The following ADAM21 variants were observed in gnomAD, a reference collection of about 807,000 sequenced individuals.
ADAM21 encodes the protein disintegrin and metalloproteinase domain-containing protein 21.
For synonymous variants in ADAM21, 262 were observed against 306.0 expected, an observed-to-expected ratio of 0.86 and a Z score of 1.50; for missense variants, 678 against 874.4, an observed-to-expected ratio of 0.78 and a Z score of 2.83.
At chr14:70,456,150 A>C (rs1231385751) in intron 1 of ADAM21, among the ~76,000 whole-genome samples, 1 of 152,202 alleles carries the variant, frequency 6.6e-6, no homozygotes, top group Non-Finnish European at 1.5e-5. Flanking sequence ...CAGCAAAAAA[A>C]GTCATGAAAT....
In ADAM21 at chr14:70,458,792, C is replaced by T. The variant is rs143297105; in HGVS notation, c.1293C>T (p.Asp431=). 1,684 of 1,613,966 alleles carry T rather than the reference C, an allele frequency of 1.0e-3. 12 individuals carry two copies. The African/African-American group carries it at 0.015, about 15-fold the overall frequency. ...GATCCGTACAGCAGTGTGAACAAGA[C>T]GCCTGTTGTCTGTTGAACTGCACTC... ...DCGSVQQCEQ[D]ACCLLNCTLR... Residue 431 remains aspartate, a synonymous_variant, in exon 2 of 2, where the codon GAC becomes GAT. Coordinates refer to ENST00000603540, the MANE Select transcript of ADAM21 (RefSeq NM_003813.4).
intron 1 of ADAM21, among the ~76,000 whole-genome samples, chr14:70,452,664 C>T (rs1294001000): frequency 3.3e-5 from 5 of 152,198 alleles, no homozygotes; most frequent in African/African-American, 1.2e-4. Flanking sequence ...CCGCGCCCGG[C>T]GTGTTTTCAT....
chr14:70,458,778 C>G lies in ADAM21; in HGVS notation c.1279C>G (p.Gln427Glu), dbSNP rs766694049. The G allele has an allele frequency of 4.3e-6, 7 of 1,614,170 alleles. No individual in the cohort carries two copies. Among genetic ancestry groups the G allele is most frequent in the Non-Finnish European group, 5.9e-6 (7 of 1,180,028 alleles). ...GCAGTGTGACTGTGGATCCGTACAG[C>G]AGTGTGAACAAGACGCCTGTTGTCT... ...EEQCDCGSVQ[Q>E]CEQDACCLLN... The change falls in exon 2 of 2, where the codon CAG (glutamine) becomes GAG (glutamate). Residue 427 changes from glutamine to glutamate, a missense_variant. Physicochemically the swap from Gln to Glu is conservative, Grantham distance 29. Transcript: ENST00000603540.
In ADAM21 at chr14:70,458,241, C is replaced by A. The variant is rs778991918; in HGVS notation, c.742C>A (p.Gln248Lys). 3.1e-6 allele frequency: 5 copies of A among 1,613,584 alleles called. No homozygotes were observed. In the South Asian group the frequency reaches 5.5e-5, roughly 18 times the overall value. The change falls in exon 2 of 2, where the codon CAG becomes AAG. Residue 248 changes from glutamine to lysine, a missense_variant. By Grantham distance (53) the Gln-to-Lys change is moderately conservative. Coordinates refer to ENST00000603540, the MANE Select transcript of ADAM21 (RefSeq NM_003813.4). ...CAACATAGTGGATTCCATGTATAAG[C>A]AGTTAGGTACTTACATAATTTTGAT... ...VVNIVDSMYK[Q>K]LGTYIILIGI...
intron 1 of ADAM21, among the ~76,000 whole-genome samples, chr14:70,456,731 C>A (rs1424741313): frequency 6.6e-6 from 1 of 152,164 alleles, no homozygotes; most frequent in African/African-American, 2.4e-5. Flanking sequence ...ATTTTGCAAT[C>A]CCTCCTCCGT....
intron 1 of ADAM21, among the ~76,000 whole-genome samples, chr14:70,454,639 A>T (rs1372997091): frequency 6.6e-6 from 1 of 152,090 alleles, no homozygotes; most frequent in Non-Finnish European, 1.5e-5. Flanking sequence ...GATATATGAA[A>T]TTTTTTGTGT....
chr14:70,454,349 G>A (rs965649998), intron 1 of ADAM21, among the ~76,000 whole-genome samples: 1 of 151,830 alleles, frequency 6.6e-6, no homozygotes, highest in African/African-American at 2.4e-5. Flanking sequence ...TGATGTAGGA[G>A]TGGAGGAAGT....
chr14:70,458,404 C>A lies in ADAM21; in HGVS notation c.905C>A (p.Ser302Ter). 1 of 1,614,178 alleles carries A rather than the reference C, an allele frequency of 6.2e-7. No individual in the cohort carries two copies. The highest frequency in any genetic ancestry group is 8.5e-7 in the Non-Finnish European group (1 of 1,180,036). The change falls in exon 2 of 2, where the codon TCA (serine) becomes TAA (stop). Residue 302 changes from serine (S) to a stop codon, truncating the protein, a stop_gained. Transcript: ENST00000603540. LOFTEE classifies it low-confidence loss of function (END_TRUNC). ...GCTGCACATATGTTCATAAAAAATTCACTTATAAGTATACTTGGCCTAGCC... is the reference window on the plus strand; with the variant it reads ...GCTGCACATATGTTCATAAAAAATTAACTTATAAGTATACTTGGCCTAGCC... ...HDAAHMFIKN[S>*]LISILGLAYV...
Position 70,458,921 on chromosome 14 carries a change from A to G in ADAM21, c.1422A>G (p.Pro474=). 2 of 1,614,206 alleles carry G rather than the reference A, an allele frequency of 1.2e-6. No homozygotes were observed. Among genetic ancestry groups the G allele is most frequent in the Non-Finnish European group, 1.7e-6 (2 of 1,180,044 alleles). The change falls in exon 2 of 2, where the codon CCA becomes CCG. Residue 474 remains proline, a synonymous_variant. Transcript: ENST00000603540. ...CRQEVNECDL[P]EWCNGTSHQC... ...AAGAGGTCAATGAATGTGACCTTCC[A>G]GAATGGTGCAATGGAACATCTCATC...
intron 1 of ADAM21, among the ~76,000 whole-genome samples, chr14:70,454,224 G>A (rs1041601794): frequency 2.6e-5 from 4 of 152,162 alleles, no homozygotes; most frequent in African/African-American, 9.7e-5. Context: ...CTATTCCTTA[G>A]GCTGGGGATC....
rs1485064087 is a variant in ADAM21, at chr14:70,459,252, A to G, written c.1753A>G (p.Ile585Val). ...QDHFTLQHTH[I>V]NGVTCWGIDY... ...TCATTTTACTTTGCAGCACACTCAT[A>G]TCAATGGTGTCACCTGCTGGGGTAT... Residue 585 changes from isoleucine (I) to valine (V), a missense_variant, in exon 2 of 2, where the codon ATC (isoleucine) becomes GTC (valine). Coordinates refer to ENST00000603540, the MANE Select transcript of ADAM21 (RefSeq NM_003813.4). The G allele has an allele frequency of 8.7e-6, 14 of 1,614,170 alleles. No individual in the cohort carries two copies. The highest frequency in any genetic ancestry group is 1.2e-5 in the Non-Finnish European group (14 of 1,180,032).
intron 1 of ADAM21, among the ~76,000 whole-genome samples, chr14:70,457,145 G>C (rs1882424697): frequency 6.6e-6 from 1 of 152,064 alleles, no homozygotes; most frequent in South Asian, 2.1e-4. Context: ...AACTATTTAA[G>C]TACCCATCTT....
rs1882461398 is a variant in ADAM21 at position 70,458,447 on chromosome 14, T to C, written c.948T>C (p.Cys316=). ...GCCTAGCCTATGTTGCAGGAATATG[T>C]CGTCCACCTATTGATTGTGGAGTTG... ...ILGLAYVAGI[C]RPPIDCGVDN... The change falls in exon 2 of 2, where the codon TGT becomes TGC. Residue 316 remains cysteine (C), a synonymous_variant. Coordinates refer to ENST00000603540, the MANE Select transcript of ADAM21 (RefSeq NM_003813.4). The C allele has an allele frequency of 6.2e-7, 1 of 1,614,150 alleles. No individual in the cohort carries two copies. The highest frequency in any genetic ancestry group is 1.3e-5 in the African/African-American group (1 of 75,030).
chr14:70,457,651 G>A lies in ADAM21; in HGVS notation c.152G>A (p.Arg51Lys). The A allele has an allele frequency of 1.2e-6, 2 of 1,613,818 alleles. No individual in the cohort carries two copies. The highest frequency in any genetic ancestry group is 1.7e-6 in the Non-Finnish European group (2 of 1,179,872). Reference protein sequence around the residue: ...EVVIPLKVISRGRSAKAPGWL... With the variant: ...EVVIPLKVISKGRSAKAPGWL... ...GTGATCCCCTTGAAGGTGATCAGCA[G>A]GGGCAGAAGTGCAAAGGCTCCTGGA... Residue 51 changes from arginine (R) to lysine (K), a missense_variant, in exon 2 of 2, where the codon AGG (arginine) becomes AAG (lysine). Arg to Lys is a conservative substitution (Grantham distance 26). Transcript: ENST00000603540.
At chr14:70,455,137 G>A (rs1889087528) in intron 1 of ADAM21, among the ~76,000 whole-genome samples, 1 of 152,158 alleles carries the variant, frequency 6.6e-6, no homozygotes, top group Admixed American at 6.5e-5. Flanking sequence ...GTCTTTAAAG[G>A]AAGACTCCAG....
rs140176240 is a variant in ADAM21, at chr14:70,459,272, G to C, written c.1773G>C (p.Trp591Cys). 1 of 1,614,094 alleles carries C rather than the reference G, an allele frequency of 6.2e-7. No individual in the cohort carries two copies. The highest frequency in any genetic ancestry group is 8.5e-7 in the Non-Finnish European group (1 of 1,180,014). ...QHTHINGVTC[W>C]GIDYHLRMNI... Reference sequence around the variant, plus strand: ...CTCATATCAATGGTGTCACCTGCTGGGGTATTGACTATCATTTAAGGATGA... The same window carrying C: ...CTCATATCAATGGTGTCACCTGCTGCGGTATTGACTATCATTTAAGGATGA... The change falls in exon 2 of 2, where the codon TGG becomes TGC. Residue 591 changes from tryptophan (W) to cysteine (C), a missense_variant. Trp to Cys is a radical substitution (Grantham distance 215). Coordinates refer to ENST00000603540, the MANE Select transcript of ADAM21 (RefSeq NM_003813.4).
chr14:70,453,964 AT>A (rs1889072865), intron 1 of ADAM21, among the ~76,000 whole-genome samples: 1 of 152,238 alleles, frequency 6.6e-6, no homozygotes, highest in South Asian at 2.1e-4. Context: ...ATCTTCCAGC[AT>A]CCACATAGCC....
intron 1 of ADAM21, 92 bp from the exon 2 acceptor site, chr14:70,457,257 T>C: frequency 2.1e-6 from 1 of 478,300 alleles, no homozygotes. Context: ...ATTTTCTTGA[T>C]TCATCAACCA....
chr14:70,457,039 C>G (rs555370920), intron 1 of ADAM21, among the ~76,000 whole-genome samples: 103 of 152,272 alleles, frequency 6.8e-4, no homozygotes, highest in African/African-American at 2.4e-3. Context: ...TTATCTTGGA[C>G]AATTTGATAT....
Sources: allele counts gnomAD v4.1 joint callset (sites outside exome capture counted in the v4.1 genomes callset), GRCh38; gene constraint gnomAD v4.1.1; transcripts MANE v1.5; gene names NCBI Gene and HGNC (gene_info 2026-07-23, HGNC 2026-07-21).